POLD1: variants seen among roughly 807,000 people sequenced by gnomAD.
POLD1 encodes DNA polymerase delta catalytic subunit.
POLD1 carries 79 observed loss-of-function variants against 129.7 expected under a neutral mutation model. That is an observed-to-expected ratio of 0.61 (90% confidence interval 0.51 to 0.73). POLD1 has a LOEUF of 0.73. POLD1 is among the 30% of genes least tolerant of loss of function. POLD1 has a pLI of 0.00. For synonymous variants in POLD1, 714 were observed against 683.3 expected, an observed-to-expected ratio of 1.04 and a Z score of -0.70; for missense variants, 1,338 against 1,595.8, an observed-to-expected ratio of 0.84 and a Z score of 2.75.
intron 17 of POLD1, among the ~76,000 whole-genome samples, chr19:50,410,324 A>C (rs1182086838): frequency 1.3e-5 from 2 of 152,084 alleles, no homozygotes; most frequent in African/African-American, 4.8e-5. Context: ...GTCTTGGCCC[A>C]TTCCAGGCCA....
intron 3 of POLD1, among the ~76,000 whole-genome samples, chr19:50,400,161 T>TTG (rs2038533742): frequency 7.8e-6 from 1 of 128,542 alleles, no homozygotes; most frequent in Non-Finnish European, 1.6e-5. Context: ...TTTTTTTTTT[T>TTG]GAGACAAGAT....
At chr19:50,405,876 C>T (rs1294183952) in intron 10 of POLD1, among the ~76,000 whole-genome samples, 1 of 152,152 alleles carries the variant, frequency 6.6e-6, no homozygotes, top group Non-Finnish European at 1.5e-5. Context: ...CACAGTGTCC[C>T]CAAATCTCTT....
chr19:50,415,035 A>G (rs2039226452), intron 20 of POLD1, 45 bp downstream of exon 20: 1 of 1,435,830 alleles, frequency 7.0e-7, no homozygotes, highest in South Asian at 1.4e-5. Flanking sequence ...TGGGCCCCAA[A>G]CCCCTCCTCC....
rs756496208 is a variant in POLD1 at position 50,413,506 on chromosome 19, C to T, written c.2235C>T (p.Tyr745=). The change falls in exon 18 of 27, where the codon TAC becomes TAT. Residue 745 remains tyrosine (Y), a synonymous_variant. Coordinates refer to ENST00000440232, the MANE Select transcript of POLD1 (RefSeq NM_002691.4). ...CTAAGTACACAGTGGAGAATGGCTA[C>T]AGCACCAGTGCCAAGGTCGGGGGCT... ...VESKYTVENG[Y]STSAKVVYGD... is the part of the protein sequence containing the mutation. 3.1e-6 allele frequency: 5 copies of T among 1,609,716 alleles called. No homozygotes were observed. The highest frequency in any genetic ancestry group is 4.2e-6 in the Non-Finnish European group (5 of 1,177,984).
chr19:50,394,856 A>ACAGAATTTCAC (rs902938349), intron 1 of POLD1, among the ~76,000 whole-genome samples: 1 of 151,664 alleles, frequency 6.6e-6, no homozygotes, highest in Non-Finnish European at 1.5e-5. Context: ...GTTTTTTGAG[A>ACAGAATTTCAC]CAGAATTTCA....
At position 50,403,005 on chromosome 19, in the gene POLD1, T is replaced by TGGGAGTGAGGGGC. The variant is rs780316465; in HGVS notation, c.971-47_971-35dup. On this transcript the variant is annotated intron_variant, in intron 8 of 26. Coordinates refer to ENST00000440232, the MANE Select transcript of POLD1 (RefSeq NM_002691.4). ...GGCAGGTGCAGCCTCCCTGCTGTGT[T>TGGGAGTGAGGGGC]GGGAGTGAGGGGCAGGAGTCAGGCC... 4.2e-5 allele frequency: 65 copies of TGGGAGTGAGGGGC among 1,544,168 alleles called. No individual in the cohort carries two copies. Among genetic ancestry groups the TGGGAGTGAGGGGC allele is most frequent in the Admixed American group, 2.6e-4 (13 of 50,972 alleles).
chr19:50,401,391 A>ATTTTTTTTTT (rs1203165864), intron 3 of POLD1, among the ~76,000 whole-genome samples: 4 of 65,948 alleles, frequency 6.1e-5, no homozygotes, highest in African/African-American at 6.9e-5. Context: ...ATATATATAT[A>ATTTTTTTTTT]TTTTTTTTTT....
At chr19:50,401,675 G>C in intron 3 of POLD1, 103 bp from the exon 4 acceptor site, 1 of 1,257,450 alleles carries the variant, frequency 8.0e-7, no homozygotes, top group Non-Finnish European at 1.1e-6. Context: ...TACAGGGGCA[G>C]GAGTGCCCCA....
rs767196391 is a variant in POLD1 at position 50,399,384 on chromosome 19, A to G, written c.216A>G (p.Pro72=). 1 of 1,613,740 alleles carries G rather than the reference A, an allele frequency of 6.2e-7. No homozygotes were observed. The highest frequency in any genetic ancestry group is 2.2e-5 in the East Asian group (1 of 44,884). ...TTCCCCCACCAGGGCAGGTCCCACC[A>G]TCAGCCATAGATCCTCGCTGGCTTC... is the stretch of plus-strand genomic sequence containing the variant. The part of the protein sequence containing the change: ...LEGVADGQVP[P]SAIDPRWLRP... The change falls in exon 3 of 27, where the codon CCA becomes CCG. Residue 72 remains proline, a synonymous_variant. Transcript: ENST00000440232.
chr19:50,389,113 G>A (rs377517705), intron 1 of POLD1, among the ~76,000 whole-genome samples: 56 of 151,026 alleles, frequency 3.7e-4, no homozygotes, highest in East Asian at 7.8e-4. Context: ...TTACAGGCAT[G>A]AGCCACCGCA....
chr19:50,406,436 C>T lies in POLD1; in HGVS notation c.1413C>T (p.Ser471=), dbSNP rs2122326640. The change falls in exon 12 of 27, where the codon TCC becomes TCT. Residue 471 remains serine, a synonymous_variant. Coordinates refer to ENST00000440232, the MANE Select transcript of POLD1 (RefSeq NM_002691.4). The surrounding 1 kb of genome is among the most constrained non-coding windows in gnomAD (Gnocchi z 5.5). ...QVLLREYKLR[S]YTLNAVSFHF... The stretch of plus-strand genomic sequence containing the variant: ...TGCTGCGGGAGTACAAGCTCCGCTC[C>T]TACACGCTCAATGCCGTGAGCTTCC... The T allele has an allele frequency of 6.2e-7, 1 of 1,600,416 alleles. No homozygotes were observed. Among genetic ancestry groups the T allele is most frequent in the Non-Finnish European group, 8.5e-7 (1 of 1,173,236 alleles).
At position 50,416,674 on chromosome 19, in the gene POLD1, C is replaced by A; in HGVS notation, c.3018C>A (p.Ala1006=). 6.4e-7 allele frequency: 1 copy of A among 1,555,648 alleles called. No homozygotes were observed. ...TGKVGGLLAF[A]KRRNCCIGCR... is the part of the protein sequence containing the mutation. ...AGGTGGGCGGCCTCCTGGCCTTCGCCAAACGCCGCAACTGCTGCATTGGCT... is the reference window on the plus strand; with the variant it reads ...AGGTGGGCGGCCTCCTGGCCTTCGCAAAACGCCGCAACTGCTGCATTGGCT... Residue 1006 remains alanine, a synonymous_variant, in exon 24 of 27, where the codon GCC becomes GCA. Transcript: ENST00000440232.
In POLD1 at chr19:50,409,348, C is replaced by G; in HGVS notation, c.2006+113C>G. The G allele has an allele frequency of 8.2e-7, 1 of 1,213,976 alleles. No homozygotes were observed. Among genetic ancestry groups the G allele is most frequent in the Admixed American group, 1.9e-5 (1 of 51,948 alleles). The allele number at this position is 1,213,976 out of a possible 1,614,324, so 75.2% of individuals were successfully genotyped here. On this transcript the variant is annotated intron_variant, in intron 16 of 26. Coordinates refer to ENST00000440232, the MANE Select transcript of POLD1 (RefSeq NM_002691.4). The surrounding 1 kb of genome is among the most constrained non-coding windows in gnomAD (Gnocchi z 5.8). ...CCCAGCCACCCTGCCCTCAGCTGTGCGTGAATTAGCACAAGGCATCCCCTC... is the reference window on the plus strand; with the variant it reads ...CCCAGCCACCCTGCCCTCAGCTGTGGGTGAATTAGCACAAGGCATCCCCTC...
chr19:50,407,194 C>A lies in POLD1; in HGVS notation c.1686+20C>A, dbSNP rs777174650. On this transcript the variant is annotated intron_variant, in intron 13 of 26. Coordinates refer to ENST00000440232, the MANE Select transcript of POLD1 (RefSeq NM_002691.4). ...CGGCAGGTCAGTAGCCGAGACTTGTCCTCGCCACCCCCCACCAGGCACGTC... is the reference window on the plus strand; with the variant it reads ...CGGCAGGTCAGTAGCCGAGACTTGTACTCGCCACCCCCCACCAGGCACGTC... 1 of 1,586,366 alleles carries A rather than the reference C, an allele frequency of 6.3e-7. No homozygotes were observed. Among genetic ancestry groups the A allele is most frequent in the South Asian group, 1.1e-5 (1 of 89,356 alleles).
intron 1 of POLD1, among the ~76,000 whole-genome samples, chr19:50,390,145 G>T (rs552348520): frequency 1.3e-5 from 2 of 151,894 alleles, no homozygotes; most frequent in African/African-American, 4.8e-5. Flanking sequence ...TTGACCTCAG[G>T]TAATCCACCC....
In POLD1 at chr19:50,402,565, G is replaced by A. The variant is rs1366558071; in HGVS notation, c.840+30G>A. ...AGGGCTTCCCAGGGCAGGGCTGGGTGGGGAGCTGGTACCCTGCTGCCACCG... is the reference window on the plus strand; with the variant it reads ...AGGGCTTCCCAGGGCAGGGCTGGGTAGGGAGCTGGTACCCTGCTGCCACCG... On this transcript the variant is annotated intron_variant, in intron 7 of 26. Transcript: ENST00000440232. 19 of 1,577,304 alleles carry A rather than the reference G, an allele frequency of 1.2e-5. No individual in the cohort carries two copies. The South Asian group carries it at 2.2e-4, about 18-fold the overall frequency.
rs774141689 is a variant in POLD1, at chr19:50,416,451, A to T, written c.2876A>T (p.Glu959Val). The change falls in exon 23 of 27, where the codon GAG becomes GTG. Residue 959 changes from glutamate to valine, a missense_variant. Around this residue, in one of 3 missense-constraint regions of POLD1, gnomAD observed 286 missense variants for 277.5 expected, o/e 1.03. Coordinates refer to ENST00000440232, the MANE Select transcript of POLD1 (RefSeq NM_002691.4). ...SLPIDTQYYL[E>V]QQLAKPLLRI... ...CCCATTGACACGCAGTACTACCTGGAGCAGCAGCTGGCCAAGCCCCTCCTG... is the reference window on the plus strand; with the variant it reads ...CCCATTGACACGCAGTACTACCTGGTGCAGCAGCTGGCCAAGCCCCTCCTG... 6 of 1,550,044 alleles carry T rather than the reference A, an allele frequency of 3.9e-6. No individual in the cohort carries two copies. The South Asian group carries it at 7.1e-5, about 18-fold the overall frequency.
rs374937343 is a variant in POLD1, at chr19:50,402,109, C to T, written c.574C>T (p.Leu192=). The T allele has an allele frequency of 1.3e-4, 215 of 1,612,654 alleles. No individual in the cohort carries two copies. Among genetic ancestry groups the T allele is most frequent in the Non-Finnish European group, 1.8e-4 (208 of 1,179,266 alleles). ...LTGPAVLAVE[L]CSRESMFGYH... ...TGGGCCGGCCGTGCTGGCTGTGGAA[C>T]TGTGCTCCCGAGAGAGTGAGTGCTC... The change falls in exon 5 of 27, where the codon CTG becomes TTG. Residue 192 remains leucine (L), a synonymous_variant. Transcript: ENST00000440232.
chr19:50,412,139 C>G (rs1285528474), intron 17 of POLD1, among the ~76,000 whole-genome samples: 1 of 152,042 alleles, frequency 6.6e-6, no homozygotes, highest in Non-Finnish European at 1.5e-5. Context: ...GAGTTGAGAC[C>G]CTGTCTCTTT....
Sources: gnomAD v4.1 joint callset for allele counts (sites outside exome capture counted in the v4.1 genomes callset) on GRCh38, gnomAD v4.1.1 for gene constraint, gnomAD v4.1.1 regional missense constraint, Gnocchi (gnomAD v3.1) non-coding constraint, MANE v1.5 for transcripts, NCBI Gene and HGNC (gene_info 2026-07-23, HGNC 2026-07-21) for gene names.